The following KCNMB2 variants were observed in gnomAD, a reference collection of about 807,000 sequenced individuals.
KCNMB2 encodes the protein potassium calcium-activated channel subfamily M regulatory beta subunit 2, also known as calcium-activated potassium channel subunit beta-2.
Under a neutral mutation model 24.5 loss-of-function variants are expected in KCNMB2, and 9 were observed. That is an observed-to-expected ratio of 0.37 (90% CI 0.22 to 0.64). KCNMB2 has a LOEUF of 0.64. KCNMB2 is among the 30% of genes least tolerant of loss of function. The pLI is 0.63. For synonymous variants in KCNMB2, 109 were observed against 104.4 expected (o/e 1.04, Z -0.27); for missense variants, 226 against 284.3 (o/e 0.79, Z 1.47).
intron 4 of KCNMB2, among the ~76,000 whole-genome samples, chr3:178,829,952 G>C (rs576512548): frequency 6.6e-6 from 1 of 152,182 alleles, no homozygotes; most frequent in South Asian, 2.1e-4. Context: ...TACAGCTCAA[G>C]TATGACAAAC....
At chr3:178,602,426 C>A (rs899727203) in intron 1 of KCNMB2, among the ~76,000 whole-genome samples, 13 of 152,026 alleles carry the variant, frequency 8.6e-5, no homozygotes, top group Non-Finnish European at 1.8e-4. Context: ...CGGTCCAAAT[C>A]CTCAGAGAGT....
chr3:178,557,758 G>A (rs1376992480), intron 1 of KCNMB2, among the ~76,000 whole-genome samples: 1 of 152,220 alleles, frequency 6.6e-6, no homozygotes, highest in Admixed American at 6.5e-5. Context: ...AGTGCATTGA[G>A]ATCTCTGTGA....
At chr3:178,601,357 T>A (rs1467748314) in intron 1 of KCNMB2, among the ~76,000 whole-genome samples, 1 of 152,038 alleles carries the variant, frequency 6.6e-6, no homozygotes, top group Non-Finnish European at 1.5e-5. Context: ...AATAAATAAA[T>A]AAATAAAAAT....
chr3:178,673,647 T>C (rs1720979478), intron 1 of KCNMB2, among the ~76,000 whole-genome samples: 1 of 152,146 alleles, frequency 6.6e-6, no homozygotes, highest in African/African-American at 2.4e-5. Context: ...TCCAACACTG[T>C]ATGATTAAAT....
At chr3:178,750,751 C>A (rs548453685) in intron 1 of KCNMB2, among the ~76,000 whole-genome samples, 1 of 152,278 alleles carries the variant, frequency 6.6e-6, no homozygotes, top group South Asian at 2.1e-4. Context: ...TATGGGGTAC[C>A]CAGTTGGCAG....
intron 1 of KCNMB2, among the ~76,000 whole-genome samples, chr3:178,550,988 G>C (rs1466591150): frequency 6.6e-6 from 1 of 152,158 alleles, no homozygotes; most frequent in Admixed American, 6.5e-5. Context: ...TTTGGATTTT[G>C]GCTCTGAATT....
chr3:178,745,310 A>G (rs927712881), intron 1 of KCNMB2, among the ~76,000 whole-genome samples: 4 of 152,196 alleles, frequency 2.6e-5, no homozygotes, highest in Admixed American at 2.6e-4. Flanking sequence ...ATGGCAGCAA[A>G]GAGAGAGAAC....
intron 1 of KCNMB2, among the ~76,000 whole-genome samples, chr3:178,568,245 C>T (rs1003972494): frequency 7.2e-5 from 11 of 152,006 alleles, no homozygotes; most frequent in African/African-American, 2.7e-4. Flanking sequence ...AAGTAGTTTC[C>T]CTTTCTCCTT....
chr3:178,667,087 AT>A (rs913427219), intron 1 of KCNMB2, among the ~76,000 whole-genome samples: 4 of 151,984 alleles, frequency 2.6e-5, no homozygotes, highest in Non-Finnish European at 5.9e-5. Context: ...TATTTATTTT[AT>A]TTTTTTCAAA....
At chr3:178,825,361 G>A (rs1157009038) in intron 2 of KCNMB2, among the ~76,000 whole-genome samples, 1 of 151,976 alleles carries the variant, frequency 6.6e-6, no homozygotes, top group Non-Finnish European at 1.5e-5. Flanking sequence ...AAGAAGGAGG[G>A]CTTATTTCTG....
intron 1 of KCNMB2, among the ~76,000 whole-genome samples, chr3:178,733,920 T>C (rs1273834868): frequency 1.3e-5 from 2 of 152,214 alleles, no homozygotes; most frequent in East Asian, 3.8e-4. Context: ...TGAGGTGTTG[T>C]AGCAGTGGAG....
At chr3:178,807,650 T>C (rs551616495) in intron 2 of KCNMB2, among the ~76,000 whole-genome samples, 185 bp downstream of exon 2, 85 of 152,280 alleles carry the variant, frequency 5.6e-4, no homozygotes, top group African/African-American at 2.0e-3. Context: ...ACATGTTCGC[T>C]TTCAGCACAT....
intron 1 of KCNMB2, among the ~76,000 whole-genome samples, chr3:178,539,295 T>C (rs371077095): frequency 7.4e-4 from 113 of 152,308 alleles, no homozygotes; most frequent in African/African-American, 2.6e-3. Context: ...AGAATGTGTA[T>C]ATAATTTTGT....
intron 1 of KCNMB2, among the ~76,000 whole-genome samples, chr3:178,695,122 A>G (rs1385932896): frequency 6.6e-6 from 1 of 152,350 alleles, no homozygotes; most frequent in South Asian, 2.1e-4. Flanking sequence ...GACAAACACC[A>G]CATGGAAGTT....
chr3:178,702,001 T>C (rs1319754001), intron 1 of KCNMB2, among the ~76,000 whole-genome samples: 1 of 152,098 alleles, frequency 6.6e-6, no homozygotes, highest in Non-Finnish European at 1.5e-5. Flanking sequence ...ATTGCGGCAC[T>C]ACTCACAATA....
At chr3:178,778,108 T>C (rs1712657564) in intron 1 of KCNMB2, among the ~76,000 whole-genome samples, 1 of 152,198 alleles carries the variant, frequency 6.6e-6, no homozygotes, top group Non-Finnish European at 1.5e-5. Context: ...AGTGTTTCTT[T>C]TCATTCATTT....
intron 1 of KCNMB2, among the ~76,000 whole-genome samples, chr3:178,730,710 C>T (rs1462033389): frequency 6.6e-6 from 1 of 152,088 alleles, no homozygotes; most frequent in Non-Finnish European, 1.5e-5. Context: ...CTGTTCTAGC[C>T]ACAATGGCCT....
intron 1 of KCNMB2, among the ~76,000 whole-genome samples, chr3:178,565,443 G>T (rs1047966349): frequency 6.6e-6 from 1 of 152,180 alleles, no homozygotes; most frequent in Non-Finnish European, 1.5e-5. Context: ...GCAGAATTAT[G>T]TGAGAGAATA....
At chr3:178,775,915 AT>A (rs1001058188) in intron 1 of KCNMB2, among the ~76,000 whole-genome samples, 2 of 151,998 alleles carry the variant, frequency 1.3e-5, no homozygotes, top group Admixed American at 1.3e-4. Flanking sequence ...TTCATTTATA[AT>A]TTTCAGAGGT....
Sources: gnomAD v4.1 joint callset for allele counts (sites outside exome capture counted in the v4.1 genomes callset) on GRCh38, gnomAD v4.1.1 for gene constraint, MANE v1.5 for transcripts, NCBI Gene and HGNC (gene_info 2026-07-23, HGNC 2026-07-21) for gene names.